Variants in NELL2 observed in about 807,000 individuals in gnomAD.
The protein encoded by NELL2 is protein kinase C-binding protein NELL2.
NELL2 carries 41 observed loss-of-function variants against 109.6 expected under a neutral mutation model. The ratio of observed to expected loss-of-function variants is 0.37; its 90% CI spans 0.29 to 0.49. The LOEUF (loss-of-function observed/expected upper bound fraction) is 0.49, where lower values mean the gene tolerates loss of function less well. Among genes scored for constraint, NELL2 ranks in the 20% least tolerant of loss-of-function variants. NELL2 has a pLI of 0.98. For missense variants in NELL2, 900 were observed against 1,008.3 expected (o/e 0.89, Z 1.45); for synonymous variants, 355 against 344.7 (o/e 1.03, Z -0.33).
chr12:44,860,274 G>A (rs1032252837), intron 2 of NELL2, among the ~76,000 whole-genome samples: 1 of 152,116 alleles, frequency 6.6e-6, no homozygotes, highest in Non-Finnish European at 1.5e-5. Flanking sequence ...ACATTCTGTT[G>A]CATAGTTAAA....
chr12:44,572,310 T>C (rs1311300625), intron 15 of NELL2, among the ~76,000 whole-genome samples: 2 of 151,688 alleles, frequency 1.3e-5, no homozygotes, highest in Non-Finnish European at 2.9e-5. Flanking sequence ...CCCAGTTAAT[T>C]AAAAAAAAAT....
intron 12 of NELL2, among the ~76,000 whole-genome samples, chr12:44,687,829 A>C (rs1205739844): frequency 6.6e-6 from 1 of 152,214 alleles, no homozygotes; most frequent in African/African-American, 2.4e-5. Flanking sequence ...GCTGTTAATC[A>C]TGTGGTGTCT....
chr12:44,755,075 C>T (rs1388404515), intron 9 of NELL2, among the ~76,000 whole-genome samples: 1 of 152,180 alleles, frequency 6.6e-6, no homozygotes, highest in African/African-American at 2.4e-5. Context: ...CTCCTCCTCA[C>T]TGCCAAACTC....
intron 15 of NELL2, among the ~76,000 whole-genome samples, chr12:44,565,527 G>C (rs932735819): frequency 6.6e-6 from 1 of 152,134 alleles, no homozygotes; most frequent in Non-Finnish European, 1.5e-5. Context: ...AAGTTTGCTA[G>C]AAAATCTGTG....
At chr12:44,645,098 A>G (rs546165915) in intron 13 of NELL2, among the ~76,000 whole-genome samples, 1 of 152,268 alleles carries the variant, frequency 6.6e-6, no homozygotes, top group East Asian at 1.9e-4. Flanking sequence ...ATTCACGAAG[A>G]AAAAAGAAGA....
intron 9 of NELL2, among the ~76,000 whole-genome samples, chr12:44,751,560 T>G (rs775560172): frequency 1.2e-4 from 18 of 152,178 alleles, no homozygotes; most frequent in Admixed American, 2.0e-4. Context: ...GAACTGATAA[T>G]AAGCTTAAAA....
chr12:44,597,070 C>T (rs1295944955), intron 15 of NELL2, among the ~76,000 whole-genome samples: 1 of 152,160 alleles, frequency 6.6e-6, no homozygotes, highest in Non-Finnish European at 1.5e-5. Flanking sequence ...TCTGATTGAA[C>T]ATGCAGGGTG....
chr12:44,553,769 A>G (rs1325976072), intron 15 of NELL2, among the ~76,000 whole-genome samples: 1 of 152,198 alleles, frequency 6.6e-6, no homozygotes, highest in Non-Finnish European at 1.5e-5. Context: ...GTAAATCATA[A>G]AGTAATACCA....
chr12:44,644,638 A>G (rs1022334562), intron 13 of NELL2, among the ~76,000 whole-genome samples: 12 of 134,368 alleles, frequency 8.9e-5, no homozygotes, highest in Non-Finnish European at 1.9e-4. Flanking sequence ...ATACATATAT[A>G]TATATATATA....
chr12:44,516,970 T>A (rs1941294782), intron 19 of NELL2, among the ~76,000 whole-genome samples: 1 of 151,332 alleles, frequency 6.6e-6, no homozygotes, highest in Non-Finnish European at 1.5e-5. Flanking sequence ...GTATATTTTA[T>A]CACTGATAAA....
At chr12:44,544,657 A>G (rs2139039350) in intron 15 of NELL2, among the ~76,000 whole-genome samples, 1 of 152,234 alleles carries the variant, frequency 6.6e-6, no homozygotes, top group East Asian at 1.9e-4. Context: ...TGACACACAT[A>G]AAATATATAT....
intron 15 of NELL2, among the ~76,000 whole-genome samples, chr12:44,564,399 C>T (rs1450605574): frequency 6.6e-6 from 1 of 152,150 alleles, no homozygotes; most frequent in South Asian, 2.1e-4. Flanking sequence ...GGTATAAATA[C>T]TGTAATAGTC....
intron 9 of NELL2, among the ~76,000 whole-genome samples, chr12:44,763,350 A>AT (rs1014556811): frequency 2.0e-5 from 3 of 152,148 alleles, no homozygotes; most frequent in Non-Finnish European, 4.4e-5. Flanking sequence ...AGGAAAGCTC[A>AT]TTTTTTTATT....
intron 12 of NELL2, among the ~76,000 whole-genome samples, chr12:44,684,005 C>T (rs2136378371): frequency 6.6e-6 from 1 of 152,282 alleles, no homozygotes; most frequent in East Asian, 1.9e-4. Flanking sequence ...GTACCAGTTC[C>T]TCCTTGTATC....
At position 44,784,314 on chromosome 12, in the gene NELL2, A is replaced by C. The variant is rs149826938; in HGVS notation, c.336-4292T>G. On this transcript the variant is annotated intron_variant, in intron 3 of 19. Coordinates refer to ENST00000429094, the MANE Select transcript of NELL2 (RefSeq NM_001145108.2). ...TAGTGCTGAAAGCTCTGGTCAGTGCAATAAGAAGAGAAAAGAAAAGAAAAA... is the reference window on the plus strand; with the variant it reads ...TAGTGCTGAAAGCTCTGGTCAGTGCCATAAGAAGAGAAAAGAAAAGAAAAA... Among the ~76,000 whole-genome samples, 148 of 152,238 alleles carry C rather than the reference A, an allele frequency of 9.7e-4. 1 individual carries two copies. Among genetic ancestry groups the C allele is most frequent in the African/African-American group, 3.4e-3 (142 of 41,556 alleles).
chr12:44,832,353 GA>G (rs1431865950), intron 2 of NELL2, among the ~76,000 whole-genome samples: 2 of 152,184 alleles, frequency 1.3e-5, no homozygotes, highest in African/African-American at 4.8e-5. Flanking sequence ...CATGAAAGTG[GA>G]AAAGACAGGA....
At chr12:44,785,106 T>C (rs563056192) in intron 3 of NELL2, among the ~76,000 whole-genome samples, 2 of 152,294 alleles carry the variant, frequency 1.3e-5, no homozygotes, top group South Asian at 2.1e-4. Flanking sequence ...TGTTTGCAGA[T>C]GACATGATTG....
chr12:44,588,564 T>C (rs1259202591), intron 15 of NELL2, among the ~76,000 whole-genome samples: 1 of 152,198 alleles, frequency 6.6e-6, no homozygotes, highest in Non-Finnish European at 1.5e-5. Flanking sequence ...GTGTGTTAGA[T>C]CTGAAAGTAT....
intron 3 of NELL2, among the ~76,000 whole-genome samples, chr12:44,808,244 C>G (rs1051149311): frequency 6.6e-6 from 1 of 151,982 alleles, no homozygotes; most frequent in Non-Finnish European, 1.5e-5. Context: ...GATGTGTGCT[C>G]TATGGGATAA....
Sources: allele counts gnomAD v4.1 joint callset (sites outside exome capture counted in the v4.1 genomes callset), GRCh38; gene constraint gnomAD v4.1.1; transcripts MANE v1.5; gene names NCBI Gene and HGNC (gene_info 2026-07-23, HGNC 2026-07-21).